CDON: variants seen among roughly 807,000 people sequenced by gnomAD.
CDON encodes the protein cell adhesion associated, oncogene regulated.
In CDON, 73 loss-of-function variants were observed where a neutral mutation model predicts 120.9. The observed-to-expected ratio is 0.60, with a 90% CI of 0.50 to 0.73. The LOEUF is 0.73. CDON is among the 30% of genes least tolerant of loss of function. The pLI, the probability that CDON is intolerant of heterozygous loss-of-function variation, is 0.00. For synonymous variants in CDON, 566 were observed against 573.5 expected (o/e 0.99, Z 0.19); for missense variants, 1,470 against 1,587.3 (o/e 0.93, Z 1.26).
intron 18 of CDON, among the ~76,000 whole-genome samples, chr11:125,971,771 C>T (rs75452951): frequency 1.8e-4 from 27 of 152,166 alleles, no homozygotes; most frequent in African/African-American, 6.0e-4. Flanking sequence ...TCTCTCGGTC[C>T]GTTCATCTGT....
intron 1 of CDON, among the ~76,000 whole-genome samples, chr11:126,060,861 G>A (rs958668103): frequency 1.3e-5 from 2 of 152,192 alleles, no homozygotes; most frequent in African/African-American, 2.4e-5. Flanking sequence ...AAAGCAAGGC[G>A]TAAGCTAGAT....
intron 18 of CDON, among the ~76,000 whole-genome samples, chr11:125,977,013 A>C (rs11220297): frequency 0.23 from 35,303 of 152,096 alleles, 4,617 homozygotes; most frequent in South Asian, 0.3. Flanking sequence ...AACACGTTAA[A>C]ATTTTAAGCA....
At chr11:126,037,389 T>C (rs1043635421) in intron 1 of CDON, among the ~76,000 whole-genome samples, 1 of 152,086 alleles carries the variant, frequency 6.6e-6, no homozygotes, top group South Asian at 2.1e-4. Context: ...CGTGACCCAC[T>C]GCACCCAGCC....
intron 17 of CDON, among the ~76,000 whole-genome samples, chr11:125,980,081 T>G (rs1591559525): frequency 6.6e-6 from 1 of 152,190 alleles, no homozygotes; most frequent in East Asian, 1.9e-4. Flanking sequence ...TAAATTTATT[T>G]GTAATCAGAA....
Position 126,018,403 on chromosome 11 carries a change from G to A in CDON, c.567C>T (p.Tyr189=). ...TGACAGGATTATAAGCTGCACATTTGTATGATCCCTTGTCCTCTAAGGATA... is the reference window on the plus strand; with the variant it reads ...TGACAGGATTATAAGCTGCACATTTATATGATCCCTTGTCCTCTAAGGATA... The part of the protein sequence containing the change: ...LNVSLEDKGS[Y]KCAAYNPVTH... The change falls in exon 5 of 20, where the codon TAC becomes TAT. Residue 189 remains tyrosine (Y), a synonymous_variant. Transcript: ENST00000531738. 6.2e-7 allele frequency: 1 copy of A among 1,613,470 alleles called. No homozygotes were observed. The highest frequency in any genetic ancestry group is 8.5e-7 in the Non-Finnish European group (1 of 1,179,434).
At chr11:125,986,239 T>C (rs868233604) in intron 15 of CDON, among the ~76,000 whole-genome samples, 2 of 152,002 alleles carry the variant, frequency 1.3e-5, no homozygotes, top group Non-Finnish European at 2.9e-5. Flanking sequence ...TAGGTGGGAA[T>C]TGAACAATGA....
At chr11:125,991,543 A>G (rs1946630357) in intron 14 of CDON, among the ~76,000 whole-genome samples, 1 of 152,198 alleles carries the variant, frequency 6.6e-6, no homozygotes, top group South Asian at 2.1e-4. Flanking sequence ...AACCTAATTC[A>G]GAAAATAGGA....
intron 8 of CDON, among the ~76,000 whole-genome samples, chr11:126,006,530 T>A (rs1441444052): frequency 1.3e-5 from 2 of 151,928 alleles, no homozygotes; most frequent in Non-Finnish European, 2.9e-5. Context: ...TACCCAGGCG[T>A]GGTGGCGCAT....
chr11:125,999,790 CCTT>C (rs1195444780), intron 11 of CDON, among the ~76,000 whole-genome samples: 1 of 152,160 alleles, frequency 6.6e-6, no homozygotes, highest in African/African-American at 2.4e-5. Flanking sequence ...CCTCCCTTCT[CCTT>C]CTCTAACATC....
At chr11:126,025,753 T>C (rs1947775873) in intron 1 of CDON, among the ~76,000 whole-genome samples, 2 of 151,732 alleles carry the variant, frequency 1.3e-5, no homozygotes, top group Admixed American at 1.3e-4. Context: ...TATCATATGC[T>C]AAGACTATCC....
chr11:125,989,906 T>C (rs1009306436), intron 14 of CDON, 147 bp from the exon 15 acceptor site: 2 of 696,296 alleles, frequency 2.9e-6, no homozygotes, highest in Admixed American at 2.2e-5. Flanking sequence ...ATAGTAAGTA[T>C]TTGACTAATG....
chr11:125,989,714 G>T lies in CDON; in HGVS notation c.2696C>A (p.Ser899Tyr). 1 of 1,613,196 alleles carries T rather than the reference G, an allele frequency of 6.2e-7. No individual in the cohort carries two copies. Among genetic ancestry groups the T allele is most frequent in the Non-Finnish European group, 8.5e-7 (1 of 1,179,298 alleles). ...GAAGCATTGCATTTTAATGTCATAG[G>T]AGGTTTCTGGCTGCAGGTGGCCAAT... Reference protein sequence around the residue: ...HMIGHLQPETSYDIKMQCFNE... With the variant: ...HMIGHLQPETYYDIKMQCFNE... Residue 899 changes from serine (S) to tyrosine (Y), a missense_variant, in exon 15 of 20, where the codon TCC (serine) becomes TAC (tyrosine). Coordinates refer to ENST00000531738, the MANE Select transcript of CDON (RefSeq NM_001378964.1).
chr11:125,973,342 C>G lies in CDON; in HGVS notation c.3356+4962G>C, dbSNP rs542553383. On this transcript the variant is annotated intron_variant, in intron 18 of 19. Transcript: ENST00000531738. ...GGTTAGGAGTTCAAGATCAGCCTGA[C>G]TGACATGGTGAAACCCCGTCTCTAC... Among the ~76,000 whole-genome samples, 3 of 152,234 alleles carry G rather than the reference C, an allele frequency of 2.0e-5. No individual in the cohort carries two copies. In the East Asian group the frequency reaches 5.8e-4, roughly 30 times the overall value.
At chr11:126,016,972 G>T (rs1947486415) in intron 6 of CDON, 116 bp downstream of exon 6, 2 of 834,978 alleles carry the variant, frequency 2.4e-6, no homozygotes, top group Non-Finnish European at 3.7e-6. Flanking sequence ...TCTGGCTAGG[G>T]TATAGATAGT....
intron 1 of CDON, among the ~76,000 whole-genome samples, chr11:126,045,540 A>C (rs1306766785): frequency 6.6e-6 from 1 of 152,206 alleles, no homozygotes. Flanking sequence ...TTTTGGAGCC[A>C]GTATTTACTT....
chr11:125,975,637 G>C (rs974898123), intron 18 of CDON, among the ~76,000 whole-genome samples: 1 of 152,190 alleles, frequency 6.6e-6, no homozygotes, highest in Non-Finnish European at 1.5e-5. Flanking sequence ...GAACTCATTA[G>C]AAATGCAAAT....
At chr11:126,026,370 C>T (rs141172642) in intron 1 of CDON, among the ~76,000 whole-genome samples, 9 of 152,284 alleles carry the variant, frequency 5.9e-5, no homozygotes, top group Non-Finnish European at 8.8e-5. Context: ...ACTGGACCTA[C>T]GACTATAGAA....
rs756898823 is a variant in CDON, at chr11:125,994,875, C to A, written c.2540G>T (p.Trp847Leu). The change falls in exon 13 of 20, where the codon TGG (tryptophan) becomes TTG (leucine). Residue 847 changes from tryptophan (W) to leucine (L), a missense_variant. Physicochemically the swap from Trp to Leu is moderately conservative, Grantham distance 61. Transcript: ENST00000531738. ...TTCCAGAAGATGTGTACTGACCGTC[C>A]ACTTTAGCATGATCTGAGTATCGCT... is the stretch of plus-strand genomic sequence containing the variant. The part of the protein sequence containing the change: ...AVSDTQIMLK[W>L]TYIPSSNNNT... 11 of 1,613,196 alleles carry A rather than the reference C, an allele frequency of 6.8e-6. No homozygotes were observed. The highest frequency in any genetic ancestry group is 9.3e-6 in the Non-Finnish European group (11 of 1,179,206).
chr11:126,024,375 T>G (rs983847117), intron 1 of CDON, among the ~76,000 whole-genome samples: 2 of 152,124 alleles, frequency 1.3e-5, no homozygotes, highest in African/African-American at 4.8e-5. Context: ...GAGGACACAG[T>G]GGTTACAACA....
Sources: allele counts gnomAD v4.1 joint callset (sites outside exome capture counted in the v4.1 genomes callset), GRCh38; gene constraint gnomAD v4.1.1; transcripts MANE v1.5; gene names NCBI Gene and HGNC (gene_info 2026-07-23, HGNC 2026-07-21).